The following AGMO variants were observed in gnomAD, a reference collection of about 807,000 sequenced individuals.
AGMO encodes the protein alkylglycerol monooxygenase.
In AGMO, 75 loss-of-function variants were observed where a neutral mutation model predicts 60.2. The ratio of observed to expected loss-of-function variants is 1.25; its 90% CI spans 1.03 to 1.51. The LOEUF is 1.51. AGMO is among the 40% of genes most tolerant of loss of function. AGMO has a pLI of 0.00. For missense variants in AGMO, 763 were observed against 525.5 expected (o/e 1.45, Z -4.42); for synonymous variants, 261 against 177.1 (o/e 1.47, Z -3.76).
chr7:15,378,640 A>C (rs1201779286), intron 10 of AGMO, among the ~76,000 whole-genome samples: 4 of 152,038 alleles, frequency 2.6e-5, no homozygotes, highest in Admixed American at 1.3e-4. Flanking sequence ...TCATCCAGAC[A>C]GAGAATTAAC....
chr7:15,344,295 T>G (rs1781957666), intron 12 of AGMO, among the ~76,000 whole-genome samples: 1 of 152,220 alleles, frequency 6.6e-6, no homozygotes, highest in African/African-American at 2.4e-5. Context: ...TCCAAAAAGC[T>G]AAAGCAACAC....
chr7:15,203,787 T>C (rs1563033288), intron 12 of AGMO, among the ~76,000 whole-genome samples: 1 of 152,122 alleles, frequency 6.6e-6, no homozygotes, highest in African/African-American at 2.4e-5. Flanking sequence ...ATATCAGAGC[T>C]AGAATAAAGT....
At chr7:15,527,939 G>T (rs1784168099) in intron 3 of AGMO, among the ~76,000 whole-genome samples, 1 of 151,920 alleles carries the variant, frequency 6.6e-6, no homozygotes, top group South Asian at 2.1e-4. Context: ...GAAAAAAAAA[G>T]AATTCTTTCA....
In AGMO at chr7:15,415,312, A is replaced by G. The variant is rs538375215; in HGVS notation, c.609+3246T>C. ...GTAATCCCAGCACTTTGGAAGGCCAACGCAGGCAGATCACAAGGTCAAGAG... is the reference window on the plus strand; with the variant it reads ...GTAATCCCAGCACTTTGGAAGGCCAGCGCAGGCAGATCACAAGGTCAAGAG... On this transcript the variant is annotated intron_variant, in intron 5 of 12. Coordinates refer to ENST00000342526, the MANE Select transcript of AGMO (RefSeq NM_001004320.2). Among the ~76,000 whole-genome samples, 6 of 152,104 alleles carry G rather than the reference A, an allele frequency of 3.9e-5. No individual in the cohort carries two copies. The East Asian group carries it at 9.8e-4, about 25-fold the overall frequency.
chr7:15,382,781 C>G (rs967692763), intron 10 of AGMO, among the ~76,000 whole-genome samples: 3 of 151,956 alleles, frequency 2.0e-5, no homozygotes, highest in African/African-American at 7.3e-5. Flanking sequence ...GCAGAAGACA[C>G]CTAATGGACA....
the AGMO span, among the ~76,000 whole-genome samples, chr7:15,164,420 C>G: frequency 4.6e-5 from 7 of 152,132 alleles, no homozygotes; most frequent in East Asian, 1.2e-3. Flanking sequence ...AGAGCTTCGA[C>G]ATAGCAAAAG....
intron 3 of AGMO, among the ~76,000 whole-genome samples, chr7:15,530,423 TACG>T (rs1784274208): frequency 7.5e-6 from 1 of 133,096 alleles, no homozygotes; most frequent in African/African-American, 2.8e-5. Context: ...ATATTCTAAA[TACG>T]TATTTCTATA....
At chr7:15,327,340 A>T (rs1177640550) in intron 12 of AGMO, among the ~76,000 whole-genome samples, 1 of 152,188 alleles carries the variant, frequency 6.6e-6, no homozygotes, top group Non-Finnish European at 1.5e-5. Flanking sequence ...AGAAGACCAA[A>T]CATCTTGGGA....
In AGMO at chr7:15,277,394, T is replaced by C. The variant is rs183100070; in HGVS notation, c.1264-76035A>G. ...GCATTTTCACTTCAGTTAGGGTCTA[T>C]TACTAGAGAGCTATTCTGATCCTTT... is the stretch of plus-strand genomic sequence containing the variant. On this transcript the variant is annotated intron_variant, in intron 12 of 12. Coordinates refer to ENST00000342526, the MANE Select transcript of AGMO (RefSeq NM_001004320.2). Among the ~76,000 whole-genome samples, 599 of 152,266 alleles carry C rather than the reference T, an allele frequency of 3.9e-3. 3 individuals are homozygous for C. Among genetic ancestry groups the C allele is most frequent in the Middle Eastern group, 6.8e-3 (2 of 294 alleles).
intron 12 of AGMO, among the ~76,000 whole-genome samples, chr7:15,225,610 AAGAC>A (rs949735867): frequency 2.0e-5 from 3 of 151,982 alleles, no homozygotes; most frequent in South Asian, 2.1e-4. Flanking sequence ...GAGAGATAAA[AAGAC>A]AGACTAATAA....
intron 3 of AGMO, among the ~76,000 whole-genome samples, chr7:15,531,695 G>A (rs981090230): frequency 2.8e-5 from 4 of 143,462 alleles, no homozygotes; most frequent in African/African-American, 1.0e-4. Context: ...CTATTGCCCA[G>A]GCTGGAGTGC....
At chr7:15,157,846 A>G in the AGMO span, among the ~76,000 whole-genome samples, 8 of 152,248 alleles carry the variant, frequency 5.3e-5, no homozygotes, top group African/African-American at 1.9e-4. Flanking sequence ...CATTTCTCTG[A>G]TTGAAACCTG....
At chr7:15,347,876 G>T (rs187023668) in intron 12 of AGMO, among the ~76,000 whole-genome samples, 43 of 152,044 alleles carry the variant, frequency 2.8e-4, no homozygotes, top group African/African-American at 9.6e-4. Context: ...ATTAAATACA[G>T]TATCATCACC....
intron 10 of AGMO, among the ~76,000 whole-genome samples, chr7:15,373,877 T>G (rs146547074): frequency 1.4e-4 from 21 of 152,318 alleles, no homozygotes; most frequent in African/African-American, 4.1e-4. Flanking sequence ...TTATTTTGAT[T>G]AATGCTCATC....
chr7:15,296,480 G>A (rs191383043), intron 12 of AGMO, among the ~76,000 whole-genome samples: 68 of 152,250 alleles, frequency 4.5e-4, no homozygotes, highest in Non-Finnish European at 8.5e-4. Flanking sequence ...TACCGTCACA[G>A]CTAAATTCCC....
intron 10 of AGMO, among the ~76,000 whole-genome samples, chr7:15,382,566 T>C (rs1043889492): frequency 6.6e-6 from 1 of 152,182 alleles, no homozygotes; most frequent in African/African-American, 2.4e-5. Context: ...CAAGATGCTG[T>C]AGAAGTATTG....
At chr7:15,547,998 G>A (rs1186620026) in intron 2 of AGMO, among the ~76,000 whole-genome samples, 1 of 146,702 alleles carries the variant, frequency 6.8e-6, no homozygotes, top group African/African-American at 2.4e-5. Flanking sequence ...CCTCAAGTGG[G>A]TCCCTGACCC....
At chr7:15,229,363 G>T (rs1250154663) in intron 12 of AGMO, among the ~76,000 whole-genome samples, 1 of 151,674 alleles carries the variant, frequency 6.6e-6, no homozygotes, top group Non-Finnish European at 1.5e-5. Context: ...ATGAAAGGTG[G>T]ATTCTAAGGG....
chr7:15,371,022 C>T (rs558655465), intron 10 of AGMO, among the ~76,000 whole-genome samples: 2 of 152,168 alleles, frequency 1.3e-5, no homozygotes, highest in African/African-American at 4.8e-5. Context: ...GGAAAAGACT[C>T]CTTATTCAGT....
Sources: allele counts gnomAD v4.1 joint callset (sites outside exome capture counted in the v4.1 genomes callset), GRCh38; gene constraint gnomAD v4.1.1; transcripts MANE v1.5; gene names NCBI Gene and HGNC (gene_info 2026-07-23, HGNC 2026-07-21).